Variants in BCKDHB observed in about 807,000 individuals in gnomAD.
BCKDHB encodes the protein branched chain keto acid dehydrogenase E1 subunit beta, also known as 2-oxoisovalerate dehydrogenase subunit beta, mitochondrial.
A neutral mutation model predicts 48.5 loss-of-function variants in BCKDHB; 41 were observed. That is an observed-to-expected ratio of 0.85 (90% CI 0.66 to 1.10). The LOEUF (loss-of-function observed/expected upper bound fraction) is 1.10. Among genes scored for constraint, BCKDHB ranks in the 50% least tolerant of loss-of-function variants. BCKDHB has a pLI of 0.00. For synonymous variants in BCKDHB, 201 were observed against 174.8 expected (o/e 1.15, Z -1.18); for missense variants, 496 against 494.2 (o/e 1.00, Z -0.03).
chr6:80,214,467 G>A (rs1170121021), intron 8 of BCKDHB, among the ~76,000 whole-genome samples: 3 of 152,192 alleles, frequency 2.0e-5, no homozygotes, highest in South Asian at 2.1e-4. Context: ...GAATAATTCC[G>A]TGACTGAATA....
chr6:80,140,514 G>A (rs1429442483), intron 3 of BCKDHB, among the ~76,000 whole-genome samples: 2 of 152,088 alleles, frequency 1.3e-5, no homozygotes, highest in African/African-American at 4.8e-5. Flanking sequence ...TTAGCATGAA[G>A]GGTTGTTGAA....
chr6:80,411,659 G>C, the BCKDHB span, among the ~76,000 whole-genome samples: 1 of 152,194 alleles, frequency 6.6e-6, no homozygotes, highest in Non-Finnish European at 1.5e-5. Flanking sequence ...ACCTACTCAA[G>C]TCTCAGAAAT....
chr6:80,456,043 C>G, the BCKDHB span, among the ~76,000 whole-genome samples: 2 of 151,796 alleles, frequency 1.3e-5, no homozygotes, highest in Non-Finnish European at 2.9e-5. Flanking sequence ...GGTGAAACCC[C>G]ATCTCTACTA....
chr6:80,254,035 A>G (rs945685147), intron 8 of BCKDHB, among the ~76,000 whole-genome samples: 3 of 151,986 alleles, frequency 2.0e-5, no homozygotes, highest in African/African-American at 4.8e-5. Flanking sequence ...AGAATGTTGT[A>G]TCAGTATTAG....
chr6:80,435,902 G>A, the BCKDHB span, among the ~76,000 whole-genome samples: 9 of 152,080 alleles, frequency 5.9e-5, no homozygotes, highest in African/African-American at 1.4e-4. Flanking sequence ...CTGTAGTGGC[G>A]CATGCCTGTA....
chr6:80,187,350 AT>A (rs1773690215), intron 6 of BCKDHB, among the ~76,000 whole-genome samples: 1 of 152,126 alleles, frequency 6.6e-6, no homozygotes, highest in South Asian at 2.1e-4. Context: ...ATCTCCTATG[AT>A]TTATTTTAAT....
chr6:80,304,950 T>C (rs1767781599), intron 9 of BCKDHB, among the ~76,000 whole-genome samples: 1 of 152,136 alleles, frequency 6.6e-6, no homozygotes, highest in South Asian at 2.1e-4. Context: ...CTATATTTAA[T>C]GGTAAAATAT....
chr6:80,199,771 CAAAAAAAAAA>C (rs35186066), intron 6 of BCKDHB, among the ~76,000 whole-genome samples: 3 of 35,742 alleles, frequency 8.4e-5, no homozygotes, highest in African/African-American at 3.6e-4. Context: ...GACTCTGTCT[CAAAAAAAAAA>C]AAAAAAAAAA....
chr6:80,444,005 G>A, the BCKDHB span, among the ~76,000 whole-genome samples: 413 of 151,830 alleles, frequency 2.7e-3, 2 homozygotes, highest in African/African-American at 9.6e-3. Flanking sequence ...AGTATTAGAA[G>A]TCAAAGTAAA....
chr6:80,412,193 G>T, the BCKDHB span, among the ~76,000 whole-genome samples: 2 of 148,300 alleles, frequency 1.3e-5, no homozygotes. Flanking sequence ...ACCCAGGCTG[G>T]AGTGCAATGG....
chr6:80,235,428 A>G (rs1776110010), intron 8 of BCKDHB, among the ~76,000 whole-genome samples: 1 of 152,232 alleles, frequency 6.6e-6, no homozygotes, highest in Non-Finnish European at 1.5e-5. Flanking sequence ...ACTTTTGAGG[A>G]AACATGTATT....
chr6:80,327,056 T>A (rs528136087), intron 9 of BCKDHB, among the ~76,000 whole-genome samples: 2 of 151,866 alleles, frequency 1.3e-5, no homozygotes, highest in South Asian at 2.1e-4. Context: ...GCCTATGTTT[T>A]AAAAAAAAAT....
At chr6:80,214,667 G>C (rs773592029) in intron 8 of BCKDHB, among the ~76,000 whole-genome samples, 19 of 152,132 alleles carry the variant, frequency 1.2e-4, no homozygotes, top group Non-Finnish European at 2.4e-4. Context: ...TTTCCACAGC[G>C]GGGCCTGGCT....
intron 9 of BCKDHB, chr6:80,343,448 G>A (rs1770023649): frequency 5.1e-6 from 3 of 588,450 alleles, no homozygotes; most frequent in Admixed American, 2.9e-5. Context: ...ATATATACAG[G>A]TATAAAATGC....
chr6:80,315,191 G>T (rs1768376859), intron 9 of BCKDHB, among the ~76,000 whole-genome samples: 1 of 152,162 alleles, frequency 6.6e-6, no homozygotes, highest in Admixed American at 6.5e-5. Flanking sequence ...CGGGGCCAGA[G>T]TATGTAAAGC....
chr6:80,171,179 T>G, intron 5 of BCKDHB, 103 bp from the exon 6 acceptor site: 1 of 677,136 alleles, frequency 1.5e-6, no homozygotes, highest in African/African-American at 1.8e-5. Flanking sequence ...ATATCTATTT[T>G]TAATTAGTAA....
intron 9 of BCKDHB, among the ~76,000 whole-genome samples, chr6:80,341,119 G>A (rs891782486): frequency 6.6e-6 from 1 of 152,018 alleles, no homozygotes; most frequent in Non-Finnish European, 1.5e-5. Context: ...TATCCTATTC[G>A]TAGTCTTCTC....
At chr6:80,399,676 C>A in the BCKDHB span, among the ~76,000 whole-genome samples, 1 of 152,012 alleles carries the variant, frequency 6.6e-6, no homozygotes, top group Non-Finnish European at 1.5e-5. Context: ...CTGTCCAAAA[C>A]AATTTACATA....
chr6:80,202,856 T>C (rs920855238), intron 7 of BCKDHB, among the ~76,000 whole-genome samples: 1 of 152,042 alleles, frequency 6.6e-6, no homozygotes, highest in African/African-American at 2.4e-5. Flanking sequence ...GCCATCTTTG[T>C]AATCAGTATC....
Sources: gnomAD v4.1 joint callset for allele counts (sites outside exome capture counted in the v4.1 genomes callset) on GRCh38, gnomAD v4.1.1 for gene constraint, MANE v1.5 for transcripts, NCBI Gene and HGNC (gene_info 2026-07-23, HGNC 2026-07-21) for gene names.